The following CDC42BPB variants were observed in gnomAD, a reference collection of about 807,000 sequenced individuals.
The protein encoded by CDC42BPB is serine/threonine-protein kinase MRCK beta.
A neutral mutation model predicts 214.9 loss-of-function variants in CDC42BPB; 37 were observed. The ratio of observed to expected loss-of-function variants is 0.17; its 90% CI spans 0.13 to 0.23. The LOEUF (loss-of-function observed/expected upper bound fraction) is 0.23. Among genes scored for constraint, CDC42BPB ranks in the 10% least tolerant of loss-of-function variants. The probability of loss-of-function intolerance (pLI) is 1.00; values close to 1 mark genes in which losing one functional copy is unlikely to be tolerated. For missense variants in CDC42BPB, 1,694 were observed against 2,227.0 expected (o/e 0.76, Z 4.82); for synonymous variants, 931 against 884.0 (o/e 1.05, Z -0.94).
chr14:102,990,850 T>C (rs543197792), intron 5 of CDC42BPB, among the ~76,000 whole-genome samples: 10 of 152,214 alleles, frequency 6.6e-5, no homozygotes, highest in Admixed American at 1.3e-4. Flanking sequence ...ATAACTAAGA[T>C]AGTGAATTAA....
intron 7 of CDC42BPB, among the ~76,000 whole-genome samples, chr14:102,982,426 G>A (rs1894045010): frequency 6.6e-6 from 1 of 152,184 alleles, no homozygotes; most frequent in African/African-American, 2.4e-5. Flanking sequence ...ACAGCGGGGA[G>A]GGAAATGCTA....
intron 10 of CDC42BPB, 30 bp downstream of exon 10, chr14:102,975,853 G>A (rs376747110): frequency 1.9e-5 from 31 of 1,613,726 alleles, no homozygotes; most frequent in East Asian, 1.6e-4. Flanking sequence ...CAGCGCCCCC[G>A]CCTGGCCCCG....
intron 29 of CDC42BPB, chr14:102,945,154 G>A (rs1041670514): frequency 2.7e-5 from 12 of 438,974 alleles, no homozygotes; most frequent in East Asian, 2.1e-4. Context: ...TGGGTCTGTC[G>A]GGAAAGGACT....
chr14:102,993,367 C>T (rs553126860), intron 5 of CDC42BPB, among the ~76,000 whole-genome samples: 3 of 152,268 alleles, frequency 2.0e-5, no homozygotes, highest in East Asian at 1.9e-4. Flanking sequence ...CTCAATGAGC[C>T]GCTCCACATG....
At chr14:102,937,658 C>T (rs1185634880) in intron 36 of CDC42BPB, among the ~76,000 whole-genome samples, 2 of 152,260 alleles carry the variant, frequency 1.3e-5, no homozygotes, top group Non-Finnish European at 2.9e-5. Flanking sequence ...GAGCTGCGCA[C>T]AACAGTGGCG....
At chr14:102,954,971 A>ACTGT in intron 21 of CDC42BPB, 1 of 190,106 alleles carries the variant, frequency 5.3e-6, no homozygotes, top group African/African-American at 2.4e-5. Context: ...CGCTGAGGTG[A>ACTGT]GAATTTGCCT....
At chr14:102,948,099 C>A in intron 26 of CDC42BPB, 1 of 299,660 alleles carries the variant, frequency 3.3e-6, no homozygotes, top group Non-Finnish European at 4.5e-6. Context: ...CTTGGCACAG[C>A]CAGGCAGTCC....
intron 1 of CDC42BPB, 150 bp downstream of exon 1, chr14:103,056,849 T>C: frequency 2.0e-6 from 1 of 494,820 alleles, no homozygotes. Flanking sequence ...CTGGGGGCGC[T>C]GCCAGAGCGA....
At chr14:103,026,352 T>C (rs1443286706) in intron 1 of CDC42BPB, among the ~76,000 whole-genome samples, 2 of 151,218 alleles carry the variant, frequency 1.3e-5, no homozygotes, top group South Asian at 2.1e-4. Context: ...GATCACGCCA[T>C]TGCATTCCAG....
intron 23 of CDC42BPB, among the ~76,000 whole-genome samples, chr14:102,953,239 G>A (rs982100996): frequency 6.6e-6 from 1 of 152,262 alleles, no homozygotes; most frequent in South Asian, 2.1e-4. Context: ...GAGACCACTT[G>A]CAAGAAGTAG....
At chr14:103,038,595 C>T (rs187861399) in intron 1 of CDC42BPB, among the ~76,000 whole-genome samples, 47 of 151,978 alleles carry the variant, frequency 3.1e-4, no homozygotes, top group Non-Finnish European at 5.9e-4. Context: ...AGCATGAGCT[C>T]GGCTTACTGC....
intron 1 of CDC42BPB, among the ~76,000 whole-genome samples, chr14:103,041,317 A>G (rs1371947435): frequency 2.0e-5 from 3 of 152,284 alleles, no homozygotes; most frequent in Admixed American, 6.5e-5. Context: ...TAAAACTAAA[A>G]AACTCTTAGA....
intron 1 of CDC42BPB, among the ~76,000 whole-genome samples, chr14:103,035,309 G>A (rs1476713769): frequency 6.6e-6 from 1 of 151,920 alleles, no homozygotes; most frequent in Non-Finnish European, 1.5e-5. Context: ...CGCCTGCCTC[G>A]GCCTCCCAAA....
intron 1 of CDC42BPB, among the ~76,000 whole-genome samples, chr14:103,044,335 A>T (rs1269822163): frequency 6.6e-6 from 1 of 150,904 alleles, no homozygotes; most frequent in East Asian, 1.9e-4. Flanking sequence ...CAAGTAGCTG[A>T]ACTACAGGTG....
At chr14:102,946,748 C>CACGG (rs1290150686) in intron 27 of CDC42BPB, 64 bp from the exon 28 acceptor site, 2 of 1,580,576 alleles carry the variant, frequency 1.3e-6, no homozygotes, top group African/African-American at 1.3e-5. Flanking sequence ...ACGCAGCTAC[C>CACGG]ACGGCCCTGC....
chr14:102,949,671 G>A (rs1566849765), intron 26 of CDC42BPB, 94 bp downstream of exon 26: 1 of 1,488,794 alleles, frequency 6.7e-7, no homozygotes, highest in East Asian at 2.3e-5. Context: ...AAGTACTAAT[G>A]AGGTGAAAGA....
At chr14:103,023,996 A>G (rs1886915181) in intron 1 of CDC42BPB, among the ~76,000 whole-genome samples, 1 of 152,150 alleles carries the variant, frequency 6.6e-6, no homozygotes, top group African/African-American at 2.4e-5. Context: ...CAGGAACAGG[A>G]TCACAGGAAA....
At position 102,950,501 on chromosome 14, in the gene CDC42BPB, G is replaced by GCTGCA; in HGVS notation, c.3269_3273dup (p.Arg1092CysfsTer21). The GCTGCA allele has an allele frequency of 6.2e-7, 1 of 1,613,260 alleles. No individual in the cohort carries two copies. Among genetic ancestry groups the GCTGCA allele is most frequent in the Non-Finnish European group, 8.5e-7 (1 of 1,179,962 alleles). On this transcript the variant is annotated frameshift_variant, in exon 25 of 37. Coordinates refer to ENST00000361246, the MANE Select transcript of CDC42BPB (RefSeq NM_006035.4). LOFTEE classifies it high-confidence loss of function. ...CCTTTGTAGGCTGTTCCGATGCCTC[G>GCTGCA]CTGCACGTCCACGCCCAGAGGCCTC... is the stretch of plus-strand genomic sequence containing the variant.
intron 16 of CDC42BPB, 97 bp from the exon 17 acceptor site, chr14:102,967,267 TTTCTTTAATCG>T: frequency 6.8e-7 from 1 of 1,465,222 alleles, no homozygotes; most frequent in East Asian, 2.4e-5. Context: ...CTCTGAAAGT[TTTCTTTAATCG>T]TCATGAGATT....
Sources: allele counts gnomAD v4.1 joint callset (sites outside exome capture counted in the v4.1 genomes callset), GRCh38; gene constraint gnomAD v4.1.1; transcripts MANE v1.5; gene names NCBI Gene and HGNC (gene_info 2026-07-23, HGNC 2026-07-21).